Variants in NR6A1 observed in about 807,000 individuals in gnomAD.
The protein encoded by NR6A1 is retinoic acid receptor-related testis-associated receptor.
NR6A1 carries 7 observed loss-of-function variants against 59.1 expected under a neutral mutation model. The observed-to-expected ratio is 0.12, with a 90% CI of 0.07 to 0.22. The LOEUF is 0.22. Among genes scored for constraint, NR6A1 ranks in the 10% least tolerant of loss-of-function variants. The pLI is 1.00. For missense variants in NR6A1, 468 were observed against 611.6 expected (o/e 0.77, Z 2.48); for synonymous variants, 243 against 236.1 (o/e 1.03, Z -0.27).
chr9:124,643,552 A>G (rs1027848222), intron 2 of NR6A1, among the ~76,000 whole-genome samples: 2 of 150,996 alleles, frequency 1.3e-5, no homozygotes, highest in Non-Finnish European at 2.9e-5. Context: ...GTGAGCCAAG[A>G]TTCCGCACCA....
intron 1 of NR6A1, among the ~76,000 whole-genome samples, chr9:124,737,404 C>T (rs1840046429): frequency 6.6e-6 from 1 of 152,178 alleles, no homozygotes; most frequent in East Asian, 1.9e-4. Flanking sequence ...CAGCTAGCTA[C>T]TATTGTCAAG....
chr9:124,583,571 G>A (rs1378297647), intron 2 of NR6A1, among the ~76,000 whole-genome samples: 1 of 152,100 alleles, frequency 6.6e-6, no homozygotes, highest in Admixed American at 6.6e-5. Context: ...TCTGTTTAGG[G>A]GCAGGGGCAT....
chr9:124,526,363 C>T (rs1310723330), intron 8 of NR6A1, among the ~76,000 whole-genome samples: 1 of 152,054 alleles, frequency 6.6e-6, no homozygotes, highest in Non-Finnish European at 1.5e-5. Flanking sequence ...GAACCACTGC[C>T]AGCCTGTCAC....
intron 2 of NR6A1, among the ~76,000 whole-genome samples, chr9:124,616,963 TACC>T (rs1835912447): frequency 2.0e-5 from 3 of 152,198 alleles, no homozygotes; most frequent in Non-Finnish European, 2.9e-5. Flanking sequence ...GACCCAAAAA[TACC>T]ACTTCTCTCC....
At chr9:124,564,366 T>C (rs943155136) in intron 2 of NR6A1, among the ~76,000 whole-genome samples, 1 of 152,042 alleles carries the variant, frequency 6.6e-6, no homozygotes, top group Non-Finnish European at 1.5e-5. Flanking sequence ...GTAGGGAAGG[T>C]CCCAGCCAGT....
chr9:124,622,368 C>G (rs1564205204), intron 2 of NR6A1, among the ~76,000 whole-genome samples: 1 of 152,184 alleles, frequency 6.6e-6, no homozygotes. Flanking sequence ...CTCCCTAAGT[C>G]CCGTTTTCCA....
intron 2 of NR6A1, among the ~76,000 whole-genome samples, chr9:124,558,843 A>G: frequency 6.6e-6 from 1 of 151,296 alleles, no homozygotes; most frequent in Non-Finnish European, 1.5e-5. Flanking sequence ...CCAACCACCC[A>G]ACCAACCAAC....
intron 2 of NR6A1, among the ~76,000 whole-genome samples, chr9:124,681,164 C>T (rs767980641): frequency 3.0e-4 from 45 of 152,186 alleles, no homozygotes; most frequent in Non-Finnish European, 5.0e-4. Context: ...GTTATTGTTA[C>T]GTTGTAAGCT....
intron 2 of NR6A1, among the ~76,000 whole-genome samples, chr9:124,588,277 G>A (rs1834992491): frequency 6.6e-6 from 1 of 152,064 alleles, no homozygotes; most frequent in Non-Finnish European, 1.5e-5. Flanking sequence ...AGTGCTGAGA[G>A]AAAATTAATT....
intron 2 of NR6A1, among the ~76,000 whole-genome samples, chr9:124,671,423 C>T (rs760435124): frequency 5.3e-5 from 8 of 152,124 alleles, no homozygotes; most frequent in African/African-American, 1.7e-4. Flanking sequence ...AGGTTTCACA[C>T]GACCCCAAAT....
chr9:124,725,038 T>C (rs1189922726), intron 2 of NR6A1, among the ~76,000 whole-genome samples: 1 of 152,228 alleles, frequency 6.6e-6, no homozygotes, highest in African/African-American at 2.4e-5. Context: ...TTCTATTCTC[T>C]AACTTCCCTT....
chr9:124,543,944 CAT>C, intron 3 of NR6A1, 87 bp from the exon 4 acceptor site: 1 of 1,067,854 alleles, frequency 9.4e-7, no homozygotes, highest in Non-Finnish European at 1.4e-6. Flanking sequence ...TGGCCAAAAG[CAT>C]AAGACAGTAA....
intron 2 of NR6A1, among the ~76,000 whole-genome samples, chr9:124,624,287 G>T (rs148697263): frequency 6.6e-6 from 1 of 152,274 alleles, no homozygotes; most frequent in Non-Finnish European, 1.5e-5. Context: ...CCCGGTACAT[G>T]GTGGCAGCAG....
At chr9:124,641,651 T>A (rs1836769779) in intron 2 of NR6A1, among the ~76,000 whole-genome samples, 2 of 152,134 alleles carry the variant, frequency 1.3e-5, no homozygotes, top group Admixed American at 1.3e-4. Flanking sequence ...GAGCTATGAC[T>A]GCTCCAGCCT....
chr9:124,639,044 T>A (rs192588957), intron 2 of NR6A1, among the ~76,000 whole-genome samples: 1 of 152,296 alleles, frequency 6.6e-6, no homozygotes. Context: ...GTTAACACAA[T>A]TGAGCACTTA....
intron 2 of NR6A1, among the ~76,000 whole-genome samples, chr9:124,649,280 T>C (rs1375797603): frequency 1.7e-5 from 2 of 120,180 alleles, no homozygotes; most frequent in African/African-American, 6.4e-5. Context: ...TGGAACAGAA[T>C]AGAGAACCCA....
At chr9:124,746,751 T>G (rs1348622329) in intron 1 of NR6A1, among the ~76,000 whole-genome samples, 1 of 152,224 alleles carries the variant, frequency 6.6e-6, no homozygotes, top group African/African-American at 2.4e-5. Flanking sequence ...AACTCCTTTT[T>G]TTTAGATGCT....
At chr9:124,767,674 AT>A (rs1840977838) in intron 1 of NR6A1, among the ~76,000 whole-genome samples, 1 of 152,228 alleles carries the variant, frequency 6.6e-6, no homozygotes, top group Admixed American at 6.5e-5. Context: ...GAAAAGTTAA[AT>A]CATCATGGGA....
At chr9:124,676,778 T>C (rs954481979) in intron 2 of NR6A1, among the ~76,000 whole-genome samples, 1 of 152,188 alleles carries the variant, frequency 6.6e-6, no homozygotes, top group African/African-American at 2.4e-5. Flanking sequence ...CAAAATGAAA[T>C]AGTAATGTCA....
Sources: gnomAD v4.1 joint callset for allele counts (sites outside exome capture counted in the v4.1 genomes callset) on GRCh38, gnomAD v4.1.1 for gene constraint, MANE v1.5 for transcripts, NCBI Gene and HGNC (gene_info 2026-07-23, HGNC 2026-07-21) for gene names.